Variants in ARRB1 observed in about 807,000 individuals in gnomAD.
The protein encoded by ARRB1 is beta-arrestin-1.
Under a neutral mutation model 56.8 loss-of-function variants are expected in ARRB1, and 21 were observed. The observed-to-expected ratio is 0.37, with a 90% CI of 0.26 to 0.53. The LOEUF (loss-of-function observed/expected upper bound fraction) is 0.53, where lower values mean the gene tolerates loss of function less well. Ranked by LOEUF, ARRB1 falls within the 20% of genes least tolerant of loss-of-function variation. The probability of loss-of-function intolerance (pLI) is 0.88; values close to 1 mark genes in which losing one functional copy is unlikely to be tolerated. For missense variants in ARRB1, 424 were observed against 553.7 expected (o/e 0.77, Z 2.35); for synonymous variants, 210 against 218.6 (o/e 0.96, Z 0.35).
chr11:75,273,927 G>A, intron 11 of ARRB1, 147 bp downstream of exon 11: 1 of 1,282,792 alleles, frequency 7.8e-7, no homozygotes, highest in Non-Finnish European at 1.1e-6. Context: ...CAGCTTCCCT[G>A]ACAAGTCAAG....
At chr11:75,349,808 T>C (rs1032393305) in intron 1 of ARRB1, among the ~76,000 whole-genome samples, 1 of 152,228 alleles carries the variant, frequency 6.6e-6, no homozygotes, top group Admixed American at 6.5e-5. Flanking sequence ...TCAAGGTTCA[T>C]GCAGACACAG....
intron 1 of ARRB1, among the ~76,000 whole-genome samples, chr11:75,313,438 G>T (rs1947205481): frequency 6.6e-6 from 1 of 152,240 alleles, no homozygotes; most frequent in Admixed American, 6.5e-5. Context: ...CTCAGCCAAG[G>T]CTTCAGGCTA....
At chr11:75,282,574 C>T (rs1451255384) in intron 5 of ARRB1, among the ~76,000 whole-genome samples, 2 of 152,352 alleles carry the variant, frequency 1.3e-5, no homozygotes, top group African/African-American at 2.4e-5. Flanking sequence ...GGACGCTCCC[C>T]GAGGGCCTCC....
intron 13 of ARRB1, chr11:75,269,222 G>A (rs763503969): frequency 1.7e-5 from 12 of 694,692 alleles, no homozygotes; most frequent in East Asian, 1.7e-4. Context: ...GGGCTGGGAA[G>A]AGGCCCAGGG....
At chr11:75,309,809 G>A (rs988592288) in intron 1 of ARRB1, among the ~76,000 whole-genome samples, 7 of 152,162 alleles carry the variant, frequency 4.6e-5, no homozygotes, top group Non-Finnish European at 1.0e-4. Context: ...GATAAGGTGG[G>A]CACAGCAAAG....
At chr11:75,278,528 G>T (rs904451525) in intron 8 of ARRB1, 81 bp downstream of exon 8, 149 of 1,585,352 alleles carry the variant, frequency 9.4e-5, no homozygotes, top group Middle Eastern at 1.8e-4. Flanking sequence ...AGGCATCCTT[G>T]CAGGCCAGGA....
chr11:75,315,232 A>G (rs767533629), intron 1 of ARRB1, among the ~76,000 whole-genome samples: 4 of 152,060 alleles, frequency 2.6e-5, no homozygotes, highest in Admixed American at 6.6e-5. Context: ...CAGTTCCTCA[A>G]TGTGATCCAT....
At chr11:75,278,462 G>T in intron 8 of ARRB1, 147 bp downstream of exon 8, 1 of 1,182,296 alleles carries the variant, frequency 8.5e-7, no homozygotes, top group Non-Finnish European at 1.2e-6. Flanking sequence ...CCCATGAGAG[G>T]TCTCAGATTC....
chr11:75,343,750 G>A (rs1375971232), intron 1 of ARRB1, among the ~76,000 whole-genome samples: 8 of 152,024 alleles, frequency 5.3e-5, no homozygotes, highest in Admixed American at 2.6e-4. Context: ...GCCTGCAGGT[G>A]CCCAGAGGAG....
intron 1 of ARRB1, chr11:75,303,607 G>A (rs560093977): frequency 2.2e-6 from 1 of 456,262 alleles, no homozygotes; most frequent in African/African-American, 2.0e-5. Flanking sequence ...ACCTGCAGAA[G>A]GTACAGGCCC....
chr11:75,303,631 G>A (rs1386137691), intron 1 of ARRB1: 3 of 456,158 alleles, frequency 6.6e-6, no homozygotes, highest in Non-Finnish European at 1.3e-5. Context: ...TGTCGGTGTT[G>A]TTTCCCCAGA....
chr11:75,267,513 G>A (rs1945951697), intron 15 of ARRB1, 139 bp downstream of exon 15: 2 of 810,012 alleles, frequency 2.5e-6, no homozygotes, highest in East Asian at 5.4e-5. Context: ...TTGCTGAAGA[G>A]GCGAGCAGAG....
intron 13 of ARRB1, 174 bp from the exon 14 acceptor site, chr11:75,269,133 G>A (rs1946012865): frequency 1.3e-6 from 1 of 754,464 alleles, no homozygotes; most frequent in Non-Finnish European, 2.4e-6. Context: ...CTGCCTGGGA[G>A]CTGGACGAGG....
chr11:75,338,696 C>T lies in ARRB1; in HGVS notation c.20+12892G>A, dbSNP rs144538145. Among the ~76,000 whole-genome samples the T allele has an allele frequency of 3.3e-5, 5 of 152,316 alleles. No homozygotes were observed. The South Asian group carries it at 6.2e-4, about 19-fold the overall frequency. ...AGTGAATCACTGCTGTACTGAATCG[C>T]TGCTGTGGAACAGTCAGCGCAGGGA... On this transcript the variant is annotated intron_variant, in intron 1 of 15. Transcript: ENST00000420843.
chr11:75,267,623 C>CCGG, intron 15 of ARRB1, 29 bp downstream of exon 15: 1 of 1,557,440 alleles, frequency 6.4e-7, no homozygotes. Flanking sequence ...GGCCCACCCC[C>CCGG]GGATGTCTGC....
intron 11 of ARRB1, among the ~76,000 whole-genome samples, chr11:75,273,204 G>A (rs1946110533): frequency 6.6e-6 from 1 of 152,188 alleles, no homozygotes. Context: ...CGCTCACTGT[G>A]TGGCCCTGCT....
intron 5 of ARRB1, 37 bp downstream of exon 5, chr11:75,283,250 T>C: frequency 6.4e-7 from 1 of 1,559,018 alleles, no homozygotes; most frequent in South Asian, 1.2e-5. Flanking sequence ...AGAGGTGGCA[T>C]TTCTGGAATG....
Position 75,302,922 on chromosome 11 carries a change from T to C in ARRB1, c.21-12883A>G, listed in dbSNP as rs1591949907. 2.0e-5 allele frequency among the ~76,000 whole-genome samples: 3 copies of C among 152,068 alleles called. No homozygotes were observed. In the South Asian group the frequency reaches 6.2e-4, roughly 32 times the overall value. On this transcript the variant is annotated intron_variant, in intron 1 of 15. Coordinates refer to ENST00000420843, the MANE Select transcript of ARRB1 (RefSeq NM_004041.5). The stretch of plus-strand genomic sequence containing the variant: ...TGTTACTCCTGCTGGGACAGGGAAA[T>C]GTTTAAACTGTCTGTCTCCCTACAG...
chr11:75,326,488 T>C (rs1014495389), intron 1 of ARRB1, among the ~76,000 whole-genome samples: 1 of 152,134 alleles, frequency 6.6e-6, no homozygotes, highest in Non-Finnish European at 1.5e-5. Flanking sequence ...TCCTCTTTTA[T>C]AGACAGGGAA....
Sources: allele counts gnomAD v4.1 joint callset (sites outside exome capture counted in the v4.1 genomes callset), GRCh38; gene constraint gnomAD v4.1.1; transcripts MANE v1.5; gene names NCBI Gene and HGNC (gene_info 2026-07-23, HGNC 2026-07-21).